The following DLGAP1 variants were observed in gnomAD, a reference collection of about 807,000 sequenced individuals.
The protein encoded by DLGAP1 is DLG associated protein 1.
In DLGAP1, 11 loss-of-function variants were observed where a neutral mutation model predicts 90.8. The ratio of observed to expected loss-of-function variants is 0.12; its 90% CI spans 0.08 to 0.20. The LOEUF (loss-of-function observed/expected upper bound fraction) is 0.20, where lower values mean the gene tolerates loss of function less well. Ranked by LOEUF, DLGAP1 falls within the 10% of genes least tolerant of loss-of-function variation. The pLI is 1.00. For missense variants in DLGAP1, 1,050 were observed against 1,333.8 expected, an observed-to-expected ratio of 0.79 and a Z score of 3.31; for synonymous variants, 558 against 540.7, an observed-to-expected ratio of 1.03 and a Z score of -0.44.
chr18:3,988,653 C>T (rs2073891576), intron 3 of DLGAP1, among the ~76,000 whole-genome samples: 1 of 152,088 alleles, frequency 6.6e-6, no homozygotes, highest in Non-Finnish European at 1.5e-5. Context: ...GGAGCGGCTG[C>T]AAATAGAGAT....
At chr18:3,813,839 GATGAGGGGTTCAGCTT>G (rs2066959721) in intron 5 of DLGAP1, among the ~76,000 whole-genome samples, 1 of 152,024 alleles carries the variant, frequency 6.6e-6, no homozygotes, top group African/African-American at 2.4e-5. Context: ...GCTTCTTAGA[GATGAGGGGTTCAGCTT>G]ATGATCAATG....
intron 1 of DLGAP1, among the ~76,000 whole-genome samples, chr18:4,349,051 T>C (rs1314305038): frequency 6.6e-6 from 1 of 152,090 alleles, no homozygotes; most frequent in Non-Finnish European, 1.5e-5. Flanking sequence ...CACCATAAGA[T>C]CCTTATTAGC....
intron 2 of DLGAP1, among the ~76,000 whole-genome samples, chr18:4,123,683 G>A (rs1036426831): frequency 1.3e-5 from 2 of 152,140 alleles, no homozygotes; most frequent in African/African-American, 4.8e-5. Flanking sequence ...GCAATGGAAC[G>A]GCGCCAGCAA....
At chr18:3,827,377 G>T (rs570488895) in intron 4 of DLGAP1, among the ~76,000 whole-genome samples, 1 of 152,306 alleles carries the variant, frequency 6.6e-6, no homozygotes, top group South Asian at 2.1e-4. Flanking sequence ...GTCGGTCCTG[G>T]AAGCTGAGTG....
intron 1 of DLGAP1, among the ~76,000 whole-genome samples, chr18:4,343,159 T>A (rs1273203063): frequency 1.3e-5 from 2 of 151,344 alleles, no homozygotes; most frequent in Non-Finnish European, 2.9e-5. Context: ...TACAAAAAAT[T>A]AGCCGGGCGT....
At chr18:4,191,158 A>T (rs1483061534) in intron 1 of DLGAP1, among the ~76,000 whole-genome samples, 1 of 152,112 alleles carries the variant, frequency 6.6e-6, no homozygotes, top group Admixed American at 6.6e-5. Flanking sequence ...GCACATCAAG[A>T]TATGTTTGCC....
intron 1 of DLGAP1, among the ~76,000 whole-genome samples, chr18:4,338,612 T>G (rs4798219): frequency 5.3e-5 from 8 of 151,830 alleles, no homozygotes; most frequent in African/African-American, 1.9e-4. Flanking sequence ...TCTCTAGGAG[T>G]TCACGATGAA....
chr18:3,757,333 C>T (rs948251213), intron 5 of DLGAP1, among the ~76,000 whole-genome samples: 12 of 152,132 alleles, frequency 7.9e-5, no homozygotes, highest in Non-Finnish European at 1.0e-4. Context: ...CGCTTGAAAC[C>T]GGGAGGCAGA....
chr18:4,403,178 G>T (rs1368537674), intron 1 of DLGAP1, among the ~76,000 whole-genome samples: 1 of 152,114 alleles, frequency 6.6e-6, no homozygotes, highest in Non-Finnish European at 1.5e-5. Context: ...CTGTTTAAAA[G>T]TGTCCATTGT....
chr18:4,239,916 A>G (rs1205308761), intron 1 of DLGAP1, among the ~76,000 whole-genome samples: 1 of 152,198 alleles, frequency 6.6e-6, no homozygotes, highest in Non-Finnish European at 1.5e-5. Context: ...ATTAGGACCT[A>G]CTTAATATAA....
At chr18:4,247,568 G>C (rs1296175275) in intron 1 of DLGAP1, among the ~76,000 whole-genome samples, 1 of 152,150 alleles carries the variant, frequency 6.6e-6, no homozygotes, top group Non-Finnish European at 1.5e-5. Context: ...CTGAGGTCAG[G>C]AGTTTGAGAC....
rs188896565 is a variant in DLGAP1 at position 3,912,650 on chromosome 18, A to G, written c.-72-32510T>C. On this transcript the variant is annotated intron_variant, in intron 3 of 12. Coordinates refer to ENST00000315677, the MANE Select transcript of DLGAP1 (RefSeq NM_004746.4). The stretch of plus-strand genomic sequence containing the variant: ...TCACAAGTGCTCTGGAGAAATGCCA[A>G]ACCAGGGAGGTGATAGGGGCGTGCC... 4.6e-5 allele frequency among the ~76,000 whole-genome samples: 7 copies of G among 152,322 alleles called. No individual in the cohort carries two copies. In the East Asian group the frequency reaches 1.2e-3, roughly 25 times the overall value.
At chr18:4,408,314 T>A (rs1022003120) in intron 1 of DLGAP1, among the ~76,000 whole-genome samples, 1 of 152,072 alleles carries the variant, frequency 6.6e-6, no homozygotes, top group Non-Finnish European at 1.5e-5. Context: ...ATGCCAGCCA[T>A]AGAAAATACC....
intron 4 of DLGAP1, among the ~76,000 whole-genome samples, chr18:3,815,603 T>C (rs1647463984): frequency 6.6e-6 from 1 of 152,196 alleles, no homozygotes; most frequent in South Asian, 2.1e-4. Context: ...ACTGCTCTTC[T>C]TTTTTCTTTC....
At chr18:3,874,721 C>T in intron 4 of DLGAP1, 2 of 1,528,096 alleles carry the variant, frequency 1.3e-6, no homozygotes, top group Non-Finnish European at 1.7e-6. Flanking sequence ...CTGCTCCCAA[C>T]CCTAATACAG....
At chr18:3,583,877 G>A (rs1050429786) in intron 7 of DLGAP1, among the ~76,000 whole-genome samples, 8 of 152,226 alleles carry the variant, frequency 5.3e-5, no homozygotes, top group African/African-American at 1.9e-4. Flanking sequence ...GAACCTGGGG[G>A]GAGGAGGTTG....
chr18:3,960,342 G>A (rs373665990), intron 3 of DLGAP1, among the ~76,000 whole-genome samples: 2 of 152,214 alleles, frequency 1.3e-5, no homozygotes, highest in South Asian at 2.1e-4. Flanking sequence ...AGAGAAGGAG[G>A]TCGGGGAAGC....
intron 10 of DLGAP1, 33 bp from the exon 11 acceptor site, chr18:3,508,694 A>G (rs1178626178): frequency 6.5e-7 from 1 of 1,530,532 alleles, no homozygotes; most frequent in Admixed American, 1.7e-5. Context: ...AAATTTACAC[A>G]TCATGCTTCA....
At chr18:3,685,711 G>A (rs1007973697) in intron 7 of DLGAP1, among the ~76,000 whole-genome samples, 10 of 151,870 alleles carry the variant, frequency 6.6e-5, no homozygotes, top group Admixed American at 6.6e-4. Flanking sequence ...GCTCCCCAAA[G>A]TGCTGGGAAT....
Sources: allele counts gnomAD v4.1 joint callset (sites outside exome capture counted in the v4.1 genomes callset), GRCh38; gene constraint gnomAD v4.1.1; transcripts MANE v1.5; gene names NCBI Gene and HGNC (gene_info 2026-07-23, HGNC 2026-07-21).